TLCD1: variants seen among roughly 807,000 people sequenced by gnomAD.
TLCD1 encodes the protein TLC domain containing 1.
Under a neutral mutation model 21.2 loss-of-function variants are expected in TLCD1, and 21 were observed. That is an observed-to-expected ratio of 0.99 (90% CI 0.70 to 1.42). The LOEUF is 1.42. TLCD1 is among the 40% of genes most tolerant of loss of function. TLCD1 has a pLI of 0.00. For synonymous variants in TLCD1, 168 were observed against 134.8 expected, an observed-to-expected ratio of 1.25 and a Z score of -1.71; for missense variants, 344 against 330.3, an observed-to-expected ratio of 1.04 and a Z score of -0.32.
upstream of TLCD1, chr17:28,726,276 C>T (rs976282503): frequency 1.8e-5 from 22 of 1,189,208 alleles, no homozygotes; most frequent in Non-Finnish European, 1.9e-5. Flanking sequence ...GCCTCTGCCC[C>T]CGCCCCCAGC....
At chr17:28,726,896 T>A, upstream of TLCD1, 1 of 1,365,718 alleles carries the variant, frequency 7.3e-7, no homozygotes, top group African/African-American at 1.4e-5. Context: ...TCGGCCCGGC[T>A]CCCCGGAGGC....
Position 28,726,207 on chromosome 17 carries a change from C to G in TLCD1, c.-110G>C. 1 of 1,369,494 alleles carries G rather than the reference C, an allele frequency of 7.3e-7. No homozygotes were observed. Among genetic ancestry groups the G allele is most frequent in the Non-Finnish European group, 9.3e-7 (1 of 1,069,572 alleles). 84.8% of individuals were successfully genotyped at this position (1,369,494 alleles called of 1,614,324 possible). A position where few individuals can be genotyped will look rare whatever the true frequency, so the allele number is the denominator to read the frequency against. On this transcript the variant is annotated 5_prime_UTR_variant, in exon 1 of 4. Transcript: ENST00000292090. ...GGCCGCCTCTCCCGCCGGCCGCCAG[C>G]CCCACACAGTTGGCGAAGCCCTCTA...
In TLCD1 at chr17:28,725,647, G is replaced by T. The variant is rs545853962; in HGVS notation, c.195-84C>A. 17 of 1,428,760 alleles carry T rather than the reference G, an allele frequency of 1.2e-5. No homozygotes were observed. The South Asian group carries it at 1.7e-4, about 15-fold the overall frequency. The allele number at this position is 1,428,760 out of a possible 1,614,324, so 88.5% of individuals were successfully genotyped here. ...TCGGTTACCCTTCGCAGCCCCGGGG[G>T]ATCCTGGGCTCGCGCTAGTGGCTGA... On this transcript the variant is annotated intron_variant, in intron 1 of 3. Coordinates refer to ENST00000292090, the MANE Select transcript of TLCD1 (RefSeq NM_138463.4).
intron 1 of TLCD1, 75 bp downstream of exon 1, chr17:28,725,829 T>C: frequency 1.3e-6 from 2 of 1,527,792 alleles, no homozygotes; most frequent in Non-Finnish European, 1.8e-6. Flanking sequence ...GCGATGGGGG[T>C]AGTAACACAA....
rs771863478 is a variant in TLCD1 at position 28,725,483 on chromosome 17, G to C, written c.275C>G (p.Ala92Gly). ...LSGYLLVCFS[A>G]GYFIHDTVDI... Reference sequence around the variant, plus strand: ...CCCGCTTCCTGGGCAAGACCTACCCGCAGAGAAGCAAACGAGCAAATAGCC... The same window carrying C: ...CCCGCTTCCTGGGCAAGACCTACCCCCAGAGAAGCAAACGAGCAAATAGCC... The change falls in exon 2 of 4, where the codon GCG becomes GGG. Residue 92 changes from alanine to glycine, a missense_variant and splice_region_variant. Physicochemically the swap from Ala to Gly is moderately conservative, Grantham distance 60. Transcript: ENST00000292090. 13 of 1,614,136 alleles carry C rather than the reference G, an allele frequency of 8.1e-6. No individual in the cohort carries two copies. The South Asian group carries it at 1.3e-4, about 16-fold the overall frequency.
At chr17:28,725,430 C>T (rs760630293) in intron 2 of TLCD1, 44 bp from the exon 3 acceptor site, 9 of 1,613,862 alleles carry the variant, frequency 5.6e-6, no homozygotes, top group Admixed American at 1.7e-5. Flanking sequence ...GAACAAGCAG[C>T]TTCCTTCTCC....
Position 28,726,087 on chromosome 17 carries a change from A to C in TLCD1, c.11T>G (p.Leu4Arg). The change falls in exon 1 of 4, where the codon CTG becomes CGG. Residue 4 changes from leucine (L) to arginine (R), a missense_variant. Physicochemically the swap from Leu to Arg is moderately radical, Grantham distance 102. Transcript: ENST00000292090. Reference sequence around the variant, plus strand: ...GAGCAGCGGCAGGGCGGGGTGCAGCAGTCGGGGCATGCTGGCCCTCCCTGC... The same window carrying C: ...GAGCAGCGGCAGGGCGGGGTGCAGCCGTCGGGGCATGCTGGCCCTCCCTGC... MPR[L>R]LHPALPLLLG... is the part of the protein sequence containing the mutation. The C allele has an allele frequency of 6.8e-7, 1 of 1,467,190 alleles. No homozygotes were observed. The highest frequency in any genetic ancestry group is 8.9e-7 in the Non-Finnish European group (1 of 1,118,808). The allele number at this position is 1,467,190 out of a possible 1,614,324, so 90.9% of individuals were successfully genotyped here.
Position 28,724,488 on chromosome 17 carries a change from G to A in TLCD1, c.*22C>T. On this transcript the variant is annotated 3_prime_UTR_variant, in exon 4 of 4. Coordinates refer to ENST00000292090, the MANE Select transcript of TLCD1 (RefSeq NM_138463.4). ...GCTGTTTCTGGCCTTGTCCGTTTTT[G>A]TTGTCCCAGGCTCTGTGCCCCTCAC... is the stretch of plus-strand genomic sequence containing the variant. 1 of 1,603,650 alleles carries A rather than the reference G, an allele frequency of 6.2e-7. No individual in the cohort carries two copies. Among genetic ancestry groups the A allele is most frequent in the Non-Finnish European group, 8.5e-7 (1 of 1,173,332 alleles).
chr17:28,724,920 G>A (rs1236297767), intron 3 of TLCD1, 27 bp from the exon 4 acceptor site: 2 of 1,595,824 alleles, frequency 1.3e-6, no homozygotes, highest in African/African-American at 1.4e-5. Context: ...ATAGGAGTTA[G>A]GGAACCCAGA....
In TLCD1 at chr17:28,726,197, C is replaced by G; in HGVS notation, c.-100G>C. 7.3e-7 allele frequency: 1 copy of G among 1,370,626 alleles called. No individual in the cohort carries two copies. Among genetic ancestry groups the G allele is most frequent in the Non-Finnish European group, 9.3e-7 (1 of 1,070,240 alleles). The allele number at this position is 1,370,626 out of a possible 1,614,324, so 84.9% of individuals were successfully genotyped here. On this transcript the variant is annotated 5_prime_UTR_variant, in exon 1 of 4. Transcript: ENST00000292090. ...AGTCCAGGCCGGCCGCCTCTCCCGC[C>G]GGCCGCCAGCCCCACACAGTTGGCG...
chr17:28,727,146 G>A (rs992825884), upstream of TLCD1: 2 of 356,788 alleles, frequency 5.6e-6, no homozygotes, highest in Non-Finnish European at 1.1e-5. Context: ...AGATGAGAGC[G>A]GGGAGGGAGA....
upstream of TLCD1, chr17:28,726,844 G>C: frequency 6.5e-7 from 1 of 1,543,488 alleles, no homozygotes; most frequent in Non-Finnish European, 8.7e-7. Flanking sequence ...AACTCCTGGG[G>C]CCGGGCGGCT....
upstream of TLCD1, chr17:28,726,682 G>C: frequency 6.9e-7 from 1 of 1,449,180 alleles, no homozygotes; most frequent in Non-Finnish European, 9.4e-7. Flanking sequence ...CCCCGCGTCC[G>C]ACAGTGGTCT....
chr17:28,727,109 T>G, upstream of TLCD1: 2 of 416,658 alleles, frequency 4.8e-6, no homozygotes, highest in Non-Finnish European at 8.8e-6. Flanking sequence ...GAGGAGCAGC[T>G]GAGAGCCAGC....
chr17:28,724,407 G>A lies in TLCD1; in HGVS notation c.*103C>T, dbSNP rs2034173771. 2 of 1,400,678 alleles carry A rather than the reference G, an allele frequency of 1.4e-6. No homozygotes were observed. The highest frequency in any genetic ancestry group is 2.1e-5 in the Admixed American group (1 of 48,006). 86.8% of individuals were successfully genotyped at this position (1,400,678 alleles called of 1,614,324 possible). A position where few individuals can be genotyped will look rare whatever the true frequency, so the allele number is the denominator to read the frequency against. ...TGTGGGCGCAGGCTCAGAAGGTGGA[G>A]AGGCTGGCCTCAGAGGACACCCAGG... On this transcript the variant is annotated 3_prime_UTR_variant, in exon 4 of 4. Coordinates refer to ENST00000292090, the MANE Select transcript of TLCD1 (RefSeq NM_138463.4).
At position 28,724,796 on chromosome 17, in the gene TLCD1, A is replaced by G. The variant is rs191280732; in HGVS notation, c.458T>C (p.Ile153Thr). Residue 153 changes from isoleucine to threonine, a missense_variant, in exon 4 of 4, where the codon ATT (isoleucine) becomes ACT (threonine). Physicochemically the swap from Ile to Thr is moderately conservative, Grantham distance 89. Transcript: ENST00000292090. ...ATTACTGATTTTCATCATCATGCGA[A>G]TGGTGAGGAAGATGTTGCTGACTTC... ...LVEVSNIFLT[I>T]RMMMKISNAQ... 1.9e-6 allele frequency: 3 copies of G among 1,614,140 alleles called. No individual in the cohort carries two copies. The highest frequency in any genetic ancestry group is 2.7e-5 in the African/African-American group (2 of 75,022).
rs1180351731 is a variant in TLCD1 at position 28,725,827 on chromosome 17, G to A, written c.194+77C>T. On this transcript the variant is annotated intron_variant, in intron 1 of 3. Coordinates refer to ENST00000292090, the MANE Select transcript of TLCD1 (RefSeq NM_138463.4). The stretch of plus-strand genomic sequence containing the variant: ...CCTCAGCCCGCCAGTGAGCGATGGG[G>A]GTAGTAACACAAGAGCCGGCCCCGG... 3.9e-6 allele frequency: 6 copies of A among 1,527,888 alleles called. No homozygotes were observed. The Admixed American group carries it at 1.0e-4, about 26-fold the overall frequency. The allele number at this position is 1,527,888 out of a possible 1,614,324, so 94.6% of individuals were successfully genotyped here.
At position 28,724,378 on chromosome 17, in the gene TLCD1, A is replaced by G. The variant is rs145180420; in HGVS notation, c.*132T>C. 784 of 1,162,570 alleles carry G rather than the reference A, an allele frequency of 6.7e-4. 9 individuals carry two copies. Among genetic ancestry groups the G allele is most frequent in the South Asian group, 1.0e-4 (7 of 67,900 alleles). The allele number at this position is 1,162,570 out of a possible 1,614,324, so 72.0% of individuals were successfully genotyped here. On this transcript the variant is annotated 3_prime_UTR_variant, in exon 4 of 4. Transcript: ENST00000292090. Reference sequence around the variant, plus strand: ...AGGAGTACTTTCATTAGTGTTTTCAATAGTGTGGGCGCAGGCTCAGAAGGT... The same window carrying G: ...AGGAGTACTTTCATTAGTGTTTTCAGTAGTGTGGGCGCAGGCTCAGAAGGT...
chr17:28,726,886 T>C (rs1430070673), upstream of TLCD1: 21 of 1,420,164 alleles, frequency 1.5e-5, no homozygotes, highest in Non-Finnish European at 2.0e-5. Flanking sequence ...GTCCCGGCCC[T>C]CGGCCCGGCT....
Sources: gnomAD v4.1 joint callset for allele counts on GRCh38, gnomAD v4.1.1 for gene constraint, MANE v1.5 for transcripts, NCBI Gene and HGNC (gene_info 2026-07-23, HGNC 2026-07-21) for gene names.